NME8: variants seen among roughly 807,000 people sequenced by gnomAD.
The protein encoded by NME8 is protein NME8.
A neutral mutation model predicts 82.3 loss-of-function variants in NME8; 72 were observed. That is an observed-to-expected ratio of 0.87 (90% CI 0.72 to 1.06). The LOEUF (loss-of-function observed/expected upper bound fraction) is 1.06, where lower values mean the gene tolerates loss of function less well. Among genes scored for constraint, NME8 ranks in the 50% least tolerant of loss-of-function variants. The pLI is 0.00. For missense variants in NME8, 712 were observed against 685.4 expected (o/e 1.04, Z -0.43); for synonymous variants, 267 against 228.5 (o/e 1.17, Z -1.52).
At chr7:37,891,776 A>G (rs908996301) in intron 15 of NME8, among the ~76,000 whole-genome samples, 6 of 152,022 alleles carry the variant, frequency 3.9e-5, no homozygotes, top group African/African-American at 1.4e-4. Flanking sequence ...AAAAGCCTAA[A>G]ACAAAACACA....
chr7:37,869,529 A>G (rs1428410447), intron 11 of NME8, among the ~76,000 whole-genome samples: 1 of 152,154 alleles, frequency 6.6e-6, no homozygotes, highest in Non-Finnish European at 1.5e-5. Context: ...AGAAGCTCCA[A>G]TTGTCCAATA....
intron 5 of NME8, among the ~76,000 whole-genome samples, chr7:37,854,765 C>T (rs550578620): frequency 6.6e-6 from 1 of 151,626 alleles, no homozygotes; most frequent in Non-Finnish European, 1.5e-5. Context: ...TGTCTCTCAG[C>T]TCTTGGATTT....
Position 37,863,261 on chromosome 7 carries a change from G to A in NME8, c.388-135G>A, listed in dbSNP as rs1784625497. On this transcript the variant is annotated intron_variant, in intron 7 of 17. Transcript: ENST00000199447. Reference sequence around the variant, plus strand: ...AGCTGGAGACAGTAATGTTAGATAAGTTCAGGAACTCTTCCACTTTACTTT... The same window carrying A: ...AGCTGGAGACAGTAATGTTAGATAAATTCAGGAACTCTTCCACTTTACTTT... 62 of 644,866 alleles carry A rather than the reference G, an allele frequency of 9.6e-5. No individual in the cohort carries two copies. In the South Asian group the frequency reaches 1.1e-3, roughly 11 times the overall value. The allele number at this position is 644,866 out of a possible 1,614,324, so 39.9% of individuals were successfully genotyped here. A position where few individuals can be genotyped will look rare whatever the true frequency, so the allele number is the denominator to read the frequency against.
intron 5 of NME8, among the ~76,000 whole-genome samples, chr7:37,852,876 T>C (rs2131939383): frequency 6.6e-6 from 1 of 152,318 alleles, no homozygotes. Context: ...TGCTGGATCA[T>C]GTGGTAATGA....
At chr7:37,885,884 T>A (rs1785032679) in intron 14 of NME8, among the ~76,000 whole-genome samples, 1 of 152,188 alleles carries the variant, frequency 6.6e-6, no homozygotes, top group African/African-American at 2.4e-5. Flanking sequence ...TCCCTTGAAT[T>A]CTTCTTGCTG....
In NME8 at chr7:37,850,388, A is replaced by G. The variant is rs201220646; in HGVS notation, c.44A>G (p.Asn15Ser). ...CCTTCCACTTTGCAGACAGTCATCA[A>G]TAATCAAAGCCTGTGGGATGAGATG... ...KREVQLQTVI[N>S]NQSLWDEMLQ... The change falls in exon 4 of 18, where the codon AAT becomes AGT. Residue 15 changes from asparagine (N) to serine (S), a missense_variant. By Grantham distance (46) the Asn-to-Ser change is conservative. Transcript: ENST00000199447. 3 of 1,614,056 alleles carry G rather than the reference A, an allele frequency of 1.9e-6. No homozygotes were observed. The highest frequency in any genetic ancestry group is 1.3e-5 in the African/African-American group (1 of 74,938).
Position 37,888,354 on chromosome 7 carries a change from G to A in NME8, c.1325G>A (p.Arg442Lys). ...AGCGATTCATTAGAAACCGCTGAAAGGGAAATACAGCATTTCTTTCCTCTT... is the reference window on the plus strand; with the variant it reads ...AGCGATTCATTAGAAACCGCTGAAAAGGAAATACAGCATTTCTTTCCTCTT... ...YGSDSLETAE[R>K]EIQHFFPLQS... is the part of the protein sequence containing the mutation. Residue 442 changes from arginine (R) to lysine (K), a missense_variant, in exon 15 of 18, where the codon AGG becomes AAG. Transcript: ENST00000199447. 1 of 1,613,452 alleles carries A rather than the reference G, an allele frequency of 6.2e-7. No individual in the cohort carries two copies. The highest frequency in any genetic ancestry group is 1.3e-5 in the African/African-American group (1 of 75,026).
intron 12 of NME8, among the ~76,000 whole-genome samples, chr7:37,881,081 C>G (rs2598013): frequency 0.47 from 71,076 of 151,970 alleles, 17,058 homozygotes; most frequent in East Asian, 0.74. Flanking sequence ...TCTACATAGA[C>G]AGTCATGCCC....
chr7:37,886,237 G>A (rs529257009), intron 14 of NME8, among the ~76,000 whole-genome samples: 2 of 152,282 alleles, frequency 1.3e-5, no homozygotes, highest in African/African-American at 4.8e-5. Context: ...ATAAAATGTG[G>A]CATAGAGTGC....
rs948721664 is a variant in NME8 at position 37,867,840 on chromosome 7, G to T, written c.760G>T (p.Asp254Tyr). The change falls in exon 11 of 18, where the codon GAT becomes TAT. Residue 254 changes from aspartate (D) to tyrosine (Y), a missense_variant. Coordinates refer to ENST00000199447, the MANE Select transcript of NME8 (RefSeq NM_016616.5). ...CACCGAACCTAACGAACGATCTGAG[G>T]ATCAACCTGAGGTCGAAGCCCAGGT... is the stretch of plus-strand genomic sequence containing the variant. ...TDTEPNERSE[D>Y]QPEVEAQVTP... 6.2e-7 allele frequency: 1 copy of T among 1,613,842 alleles called. No homozygotes were observed. The highest frequency in any genetic ancestry group is 2.2e-5 in the East Asian group (1 of 44,828).
intron 11 of NME8, among the ~76,000 whole-genome samples, chr7:37,875,046 A>G (rs1380134157): frequency 6.6e-6 from 1 of 152,194 alleles, no homozygotes; most frequent in African/African-American, 2.4e-5. Context: ...AAGGTTCATA[A>G]CCAGAATGTA....
At chr7:37,867,420 T>C (rs1784702415) in intron 10 of NME8, among the ~76,000 whole-genome samples, 1 of 152,136 alleles carries the variant, frequency 6.6e-6, no homozygotes, top group Non-Finnish European at 1.5e-5. Flanking sequence ...AGATTTATTT[T>C]TCTAAGGATA....
chr7:37,873,065 G>T (rs1328802056), intron 11 of NME8, among the ~76,000 whole-genome samples: 1 of 152,200 alleles, frequency 6.6e-6, no homozygotes, highest in East Asian at 1.9e-4. Context: ...AAACAATTAT[G>T]CTAGAATAAA....
At chr7:37,889,098 C>T (rs577125702) in intron 15 of NME8, among the ~76,000 whole-genome samples, 6 of 151,990 alleles carry the variant, frequency 3.9e-5, no homozygotes, top group African/African-American at 1.2e-4. Flanking sequence ...TATTTGATTG[C>T]TTTCTCTGTT....
chr7:37,863,797 A>G (rs764202930), intron 8 of NME8, among the ~76,000 whole-genome samples: 19 of 152,098 alleles, frequency 1.2e-4, no homozygotes, highest in Non-Finnish European at 2.4e-4. Context: ...TTGATGACCC[A>G]TACTCTTGGT....
chr7:37,876,091 C>T (rs1022114426), intron 11 of NME8, among the ~76,000 whole-genome samples: 5 of 122,046 alleles, frequency 4.1e-5, no homozygotes, highest in Admixed American at 8.9e-5. Flanking sequence ...CGCCTGTAGT[C>T]CCAGCTACTC....
rs1448010038 is a variant in NME8, at chr7:37,894,509, A to G, written c.1443A>G (p.Thr481=). 2.5e-6 allele frequency: 4 copies of G among 1,613,078 alleles called. No individual in the cohort carries two copies. The highest frequency in any genetic ancestry group is 2.5e-6 in the Non-Finnish European group (3 of 1,179,378). ...TTAAGGAGGCTGGATTTGATCTGAC[A>G]CAGGTGAAGAAAATGTTCCTAACTC... ...KIVKEAGFDL[T]QVKKMFLTPE... Residue 481 remains threonine, a synonymous_variant, in exon 16 of 18, where the codon ACA becomes ACG. Transcript: ENST00000199447.
At chr7:37,893,385 T>C (rs1785164015) in intron 15 of NME8, among the ~76,000 whole-genome samples, 1 of 152,182 alleles carries the variant, frequency 6.6e-6, no homozygotes, top group South Asian at 2.1e-4. Context: ...CTTAGAATGC[T>C]TTAAATGTTC....
intron 15 of NME8, among the ~76,000 whole-genome samples, chr7:37,890,199 A>C (rs1032216677): frequency 6.6e-6 from 1 of 151,840 alleles, no homozygotes; most frequent in Non-Finnish European, 1.5e-5. Flanking sequence ...GGCTTGTCTC[A>C]CACATAAAAT....
Sources: gnomAD v4.1 joint callset for allele counts (sites outside exome capture counted in the v4.1 genomes callset) on GRCh38, gnomAD v4.1.1 for gene constraint, MANE v1.5 for transcripts, NCBI Gene and HGNC (gene_info 2026-07-23, HGNC 2026-07-21) for gene names.